The following TBX15 variants were observed in gnomAD, a reference collection of about 807,000 sequenced individuals.
The protein encoded by TBX15 is T-box transcription factor 15, also known as T-box transcription factor TBX15.
A neutral mutation model predicts 53.9 loss-of-function variants in TBX15; 18 were observed. The ratio of observed to expected loss-of-function variants is 0.33; its 90% CI spans 0.23 to 0.49. The LOEUF (loss-of-function observed/expected upper bound fraction) is 0.49. Ranked by LOEUF, TBX15 falls within the 20% of genes least tolerant of loss-of-function variation. The pLI, the probability that TBX15 is intolerant of heterozygous loss-of-function variation, is 0.98. For missense variants in TBX15, 692 were observed against 749.5 expected (o/e 0.92, Z 0.90); for synonymous variants, 295 against 278.0 (o/e 1.06, Z -0.61).
At chr1:118,959,028 G>GAC (rs745366023) in intron 1 of TBX15, among the ~76,000 whole-genome samples, 2 of 74,372 alleles carry the variant, frequency 2.7e-5, no homozygotes, top group Admixed American at 1.1e-4. Context: ...TAATATCAGA[G>GAC]AGAGAGAGAG....
chr1:118,982,687 T>C (rs1246496479), intron 1 of TBX15, among the ~76,000 whole-genome samples: 5 of 152,232 alleles, frequency 3.3e-5, no homozygotes, highest in Non-Finnish European at 7.3e-5. Flanking sequence ...CAAATTTTCT[T>C]TCATAATTAA....
rs753307929 is a variant in TBX15 at position 118,904,579 on chromosome 1, C to G, written c.927-5454G>C. Reference sequence around the variant, plus strand: ...GAACAAGTGTCCAATGGACAGATGCCTGGAGTTGAGTTAAAATTGCTCCTT... The same window carrying G: ...GAACAAGTGTCCAATGGACAGATGCGTGGAGTTGAGTTAAAATTGCTCCTT... On this transcript the variant is annotated intron_variant, in intron 6 of 7. Transcript: ENST00000369429. 2.6e-5 allele frequency among the ~76,000 whole-genome samples: 4 copies of G among 152,282 alleles called. No individual in the cohort carries two copies. The South Asian group carries it at 8.3e-4, about 32-fold the overall frequency.
intron 1 of TBX15, among the ~76,000 whole-genome samples, chr1:118,984,512 G>A (rs1657755391): frequency 6.7e-6 from 1 of 148,230 alleles, no homozygotes; most frequent in African/African-American, 2.4e-5. Context: ...TTGCAAGGCC[G>A]CAGCAATATA....
chr1:118,902,929 C>G (rs1206676498), intron 6 of TBX15, among the ~76,000 whole-genome samples: 1 of 152,116 alleles, frequency 6.6e-6, no homozygotes, highest in Non-Finnish European at 1.5e-5. Context: ...AATTCATTGT[C>G]TAACGGGTGA....
Position 118,924,336 on chromosome 1 carries a change from A to AT in TBX15, c.693+309dup, listed in dbSNP as rs145168263. ...GTGGGTTATTCTACTGAATGTTGTG[A>AT]TTTTTTCTACCACTGGTTGATTTGT... is the stretch of plus-strand genomic sequence containing the variant. On this transcript the variant is annotated intron_variant, in intron 4 of 7. Transcript: ENST00000369429. 1.3e-3 allele frequency among the ~76,000 whole-genome samples: 194 copies of AT among 152,036 alleles called. 3 individuals are homozygous for AT. The East Asian group carries it at 0.03, about 24-fold the overall frequency.
chr1:118,949,315 T>C (rs1411904854), intron 1 of TBX15, among the ~76,000 whole-genome samples: 1 of 152,216 alleles, frequency 6.6e-6, no homozygotes. Flanking sequence ...TGTTATTCTT[T>C]CCAAGTGGCC....
chr1:118,883,798 C>T lies in TBX15; in HGVS notation c.*934G>A, dbSNP rs543532930. 1 of 150,176 alleles carries T rather than the reference C, an allele frequency of 6.7e-6. No individual in the cohort carries two copies. Among genetic ancestry groups the T allele is most frequent in the African/African-American group, 2.4e-5 (1 of 41,172 alleles). 9.3% of individuals were successfully genotyped at this position (150,176 alleles called of 1,614,324 possible). On this transcript the variant is annotated 3_prime_UTR_variant, in exon 8 of 8. Transcript: ENST00000369429. ...CTCAGTGTGCCAGAGAGGTTTACTCCTCAGTAATGCCATGATTCTTTCCAT... is the reference window on the plus strand; with the variant it reads ...CTCAGTGTGCCAGAGAGGTTTACTCTTCAGTAATGCCATGATTCTTTCCAT...
intron 3 of TBX15, among the ~76,000 whole-genome samples, chr1:118,925,584 T>C (rs1557886628): frequency 6.6e-6 from 1 of 152,226 alleles, no homozygotes; most frequent in African/African-American, 2.4e-5. Context: ...AACATCTCCA[T>C]GGATCTGGTA....
chr1:118,967,578 G>A (rs1657070019), intron 1 of TBX15, among the ~76,000 whole-genome samples: 1 of 152,072 alleles, frequency 6.6e-6, no homozygotes, highest in Non-Finnish European at 1.5e-5. Context: ...TGAAGGAAAG[G>A]GACAAGTAGA....
At chr1:118,938,186 G>C (rs1353628636) in intron 1 of TBX15, among the ~76,000 whole-genome samples, 1 of 152,180 alleles carries the variant, frequency 6.6e-6, no homozygotes, top group Non-Finnish European at 1.5e-5. Flanking sequence ...CTAAAATTAT[G>C]ATGATAGCAA....
At chr1:118,921,621 G>A (rs970106130) in intron 5 of TBX15, among the ~76,000 whole-genome samples, 1 of 152,112 alleles carries the variant, frequency 6.6e-6, no homozygotes, top group African/African-American at 2.4e-5. Flanking sequence ...TAAAACCCAG[G>A]TCTCCAAATG....
intron 7 of TBX15, among the ~76,000 whole-genome samples, chr1:118,893,315 A>AAGGAAGGAAGGT (rs1557872393): frequency 7.6e-6 from 1 of 131,330 alleles, no homozygotes; most frequent in Non-Finnish European, 1.6e-5. Context: ...GGAAGGAAGG[A>AAGGAAGGAAGGT]AAGAAAGAAA....
intron 6 of TBX15, among the ~76,000 whole-genome samples, chr1:118,902,110 T>A (rs1654651083): frequency 6.6e-6 from 1 of 152,098 alleles, no homozygotes; most frequent in Non-Finnish European, 1.5e-5. Context: ...GATCCTATAA[T>A]ATATATTATC....
At chr1:118,922,064 TG>T (rs2101587067) in intron 5 of TBX15, among the ~76,000 whole-genome samples, 1 of 152,330 alleles carries the variant, frequency 6.6e-6, no homozygotes, top group African/African-American at 2.4e-5. Context: ...TAGAAGGTAC[TG>T]TATTATATTA....
In TBX15 at chr1:118,914,017, AG is replaced by A. The variant is rs1655109445; in HGVS notation, c.926+97del. Reference sequence around the variant, plus strand: ...AAGTGTACACAGTGGCGGAGCATACAGGTGTTTTCTAAAAGGCAGGAGCCAT... The same window carrying A: ...AAGTGTACACAGTGGCGGAGCATACAGTGTTTTCTAAAAGGCAGGAGCCAT... On this transcript the variant is annotated intron_variant, in intron 6 of 7. Coordinates refer to ENST00000369429, the MANE Select transcript of TBX15 (RefSeq NM_001330677.2). 6.0e-6 allele frequency: 7 copies of A among 1,175,162 alleles called. No homozygotes were observed. The South Asian group carries it at 8.7e-5, about 15-fold the overall frequency. 72.8% of individuals were successfully genotyped at this position (1,175,162 alleles called of 1,614,324 possible).
chr1:118,973,293 C>A (rs1322404627), intron 1 of TBX15, among the ~76,000 whole-genome samples: 1 of 152,174 alleles, frequency 6.6e-6, no homozygotes, highest in Non-Finnish European at 1.5e-5. Context: ...TGGCCTCTAT[C>A]TACTGTCTTA....
At chr1:118,974,511 A>G (rs1302207798) in intron 1 of TBX15, among the ~76,000 whole-genome samples, 1 of 152,194 alleles carries the variant, frequency 6.6e-6, no homozygotes, top group African/African-American at 2.4e-5. Context: ...ACTTCCTAAG[A>G]GAGGAAGGTT....
intron 1 of TBX15, among the ~76,000 whole-genome samples, chr1:118,979,483 A>G (rs1392356789): frequency 6.6e-6 from 1 of 151,914 alleles, no homozygotes; most frequent in Non-Finnish European, 1.5e-5. Flanking sequence ...CTTGGTTTCT[A>G]ATTGCTAATG....
At chr1:118,887,017 A>G (rs1291990495) in intron 7 of TBX15, among the ~76,000 whole-genome samples, 2 of 152,214 alleles carry the variant, frequency 1.3e-5, no homozygotes, top group Non-Finnish European at 1.5e-5. Context: ...AATGACCTTT[A>G]CGAGCCTCCT....
Sources: allele counts gnomAD v4.1 joint callset (sites outside exome capture counted in the v4.1 genomes callset), GRCh38; gene constraint gnomAD v4.1.1; transcripts MANE v1.5; gene names NCBI Gene and HGNC (gene_info 2026-07-23, HGNC 2026-07-21).